The following UBE2E2 variants were observed in gnomAD, a reference collection of about 807,000 sequenced individuals.
UBE2E2 encodes ubiquitin-conjugating enzyme E2 E2.
Under a neutral mutation model 24.7 loss-of-function variants are expected in UBE2E2, and 6 were observed. The observed-to-expected ratio is 0.24, with a 90% CI of 0.13 to 0.48. The LOEUF is 0.48. UBE2E2 is among the 20% of genes least tolerant of loss of function. The pLI is 0.99. For synonymous variants in UBE2E2, 104 were observed against 83.6 expected, an observed-to-expected ratio of 1.24 and a Z score of -1.33; for missense variants, 169 against 245.0, an observed-to-expected ratio of 0.69 and a Z score of 2.07.
chr3:23,571,280 C>CTTTTTTTTTTTTTTTTTTTTTTT (rs59243406), intron 5 of UBE2E2, among the ~76,000 whole-genome samples: 470 of 29,878 alleles, frequency 0.016, 201 homozygotes, highest in Middle Eastern at 0.12. Context: ...GTGCTCCTTT[C>CTTTTTTTTTTTTTTTTTTTTTTT]TTTTTTTTTT....
intron 3 of UBE2E2, among the ~76,000 whole-genome samples, chr3:23,313,491 T>G (rs1694472993): frequency 6.6e-6 from 1 of 150,682 alleles, no homozygotes; most frequent in Non-Finnish European, 1.5e-5. Context: ...TTCAAGTGAT[T>G]CTCCTACCTC....
chr3:23,436,236 T>A (rs1355481459), intron 3 of UBE2E2, among the ~76,000 whole-genome samples: 1 of 152,122 alleles, frequency 6.6e-6, no homozygotes, highest in African/African-American at 2.4e-5. Flanking sequence ...GCACATGATA[T>A]TGAACCTTAA....
chr3:23,356,538 TTTG>T (rs754416307), intron 3 of UBE2E2, among the ~76,000 whole-genome samples: 29 of 152,320 alleles, frequency 1.9e-4, no homozygotes, highest in Middle Eastern at 3.4e-3. Context: ...CGAATTTATT[TTTG>T]TTAATTATCT....
intron 3 of UBE2E2, among the ~76,000 whole-genome samples, chr3:23,435,554 C>G (rs1481099224): frequency 2.0e-5 from 3 of 152,192 alleles, no homozygotes; most frequent in African/African-American, 2.4e-5. Flanking sequence ...AAAGAGGACC[C>G]TGTGCCTCAA....
intron 3 of UBE2E2, among the ~76,000 whole-genome samples, chr3:23,408,295 A>G (rs1236853990): frequency 6.6e-6 from 1 of 152,040 alleles, no homozygotes; most frequent in African/African-American, 2.4e-5. Context: ...TTTTTGTGCT[A>G]ATGAAATGTT....
Position 23,315,367 on chromosome 3 carries a change from T to C in UBE2E2, c.227+98055T>C, listed in dbSNP as rs540537033. ...ATTTTCAAATAGCCTGTCTTCAAGC[T>C]CACCAAATCTTGCTTTTGCTTGATG... On this transcript the variant is annotated intron_variant, in intron 3 of 5. Transcript: ENST00000396703. Among the ~76,000 whole-genome samples the C allele has an allele frequency of 2.0e-5, 3 of 151,646 alleles. No homozygotes were observed. In the South Asian group the frequency reaches 6.3e-4, roughly 32 times the overall value.
intron 5 of UBE2E2, among the ~76,000 whole-genome samples, chr3:23,585,730 C>A (rs1169435274): frequency 1.3e-5 from 2 of 152,062 alleles, no homozygotes; most frequent in African/African-American, 4.8e-5. Flanking sequence ...AGATGATAAT[C>A]TCAAATATTA....
chr3:23,292,050 G>A (rs537146175), intron 3 of UBE2E2, among the ~76,000 whole-genome samples: 4 of 151,946 alleles, frequency 2.6e-5, no homozygotes, highest in Non-Finnish European at 5.9e-5. Flanking sequence ...AGTAGAGACG[G>A]GGTTTCACCG....
chr3:23,570,503 T>C (rs1484833945), intron 5 of UBE2E2, among the ~76,000 whole-genome samples: 1 of 152,194 alleles, frequency 6.6e-6, no homozygotes, highest in Non-Finnish European at 1.5e-5. Context: ...TTTACTGATG[T>C]AAACAATGTA....
At position 23,537,266 on chromosome 3, in the gene UBE2E2, TTGTC is replaced by T. The variant is rs139299778; in HGVS notation, c.508+4571_508+4574del. On this transcript the variant is annotated intron_variant, in intron 5 of 5. Coordinates refer to ENST00000396703, the MANE Select transcript of UBE2E2 (RefSeq NM_152653.4). ...GCATTCGTAAGCAACCATGAAGTCT[TTGTC>T]TGTCTCTCTTCAAACAGGCAGAACT... 6.6e-3 allele frequency among the ~76,000 whole-genome samples: 1,000 copies of T among 152,282 alleles called. 8 individuals are homozygous for T. The highest frequency in any genetic ancestry group is 0.023 in the African/African-American group (936 of 41,548).
At chr3:23,227,459 A>G (rs1696858282) in intron 3 of UBE2E2, among the ~76,000 whole-genome samples, 1 of 152,232 alleles carries the variant, frequency 6.6e-6, no homozygotes, top group Non-Finnish European at 1.5e-5. Flanking sequence ...ATGCTGGCAT[A>G]GTTTTTAAGA....
intron 5 of UBE2E2, among the ~76,000 whole-genome samples, chr3:23,567,788 ATACT>A (rs1393683102): frequency 1.3e-5 from 2 of 152,196 alleles, no homozygotes; most frequent in African/African-American, 4.8e-5. Flanking sequence ...TATTAAACAA[ATACT>A]TACTGCATGG....
At chr3:23,528,988 C>T (rs1045028873) in intron 4 of UBE2E2, among the ~76,000 whole-genome samples, 4 of 152,136 alleles carry the variant, frequency 2.6e-5, no homozygotes, top group African/African-American at 9.7e-5. Context: ...ATTATTGACA[C>T]GTGCAACAGC....
chr3:23,435,499 A>T (rs1253168655), intron 3 of UBE2E2, among the ~76,000 whole-genome samples: 2 of 152,214 alleles, frequency 1.3e-5, no homozygotes, highest in South Asian at 2.1e-4. Context: ...TGAACACGTC[A>T]GTTGGGCTCA....
intron 3 of UBE2E2, among the ~76,000 whole-genome samples, chr3:23,350,089 G>C (rs1174338050): frequency 6.6e-6 from 1 of 152,230 alleles, no homozygotes; most frequent in African/African-American, 2.4e-5. Flanking sequence ...AAAATCCGCT[G>C]TTCTGCAGCC....
At chr3:23,545,234 G>T (rs1427995703) in intron 5 of UBE2E2, among the ~76,000 whole-genome samples, 1 of 152,158 alleles carries the variant, frequency 6.6e-6, no homozygotes, top group African/African-American at 2.4e-5. Context: ...CTGGGGGAGG[G>T]TCAGGTCTTT....
chr3:23,355,808 A>G (rs1359146593), intron 3 of UBE2E2, among the ~76,000 whole-genome samples: 1 of 152,248 alleles, frequency 6.6e-6, no homozygotes, highest in African/African-American at 2.4e-5. Context: ...GAGAAGAACT[A>G]TGCTACGATT....
At chr3:23,223,536 G>A (rs1696724910) in intron 3 of UBE2E2, among the ~76,000 whole-genome samples, 1 of 152,078 alleles carries the variant, frequency 6.6e-6, no homozygotes, top group Non-Finnish European at 1.5e-5. Context: ...TTGCTGTCAA[G>A]TTGTTTGAAC....
chr3:23,272,014 C>G (rs1698256747), intron 3 of UBE2E2, among the ~76,000 whole-genome samples: 1 of 152,204 alleles, frequency 6.6e-6, no homozygotes, highest in Non-Finnish European at 1.5e-5. Context: ...GCCCACCAGT[C>G]CCGCACGGCG....
Sources: gnomAD v4.1 joint callset for allele counts (sites outside exome capture counted in the v4.1 genomes callset) on GRCh38, gnomAD v4.1.1 for gene constraint, MANE v1.5 for transcripts, NCBI Gene and HGNC (gene_info 2026-07-23, HGNC 2026-07-21) for gene names.